The following UBN2 variants were observed in gnomAD, a reference collection of about 807,000 sequenced individuals.
UBN2 encodes ubinuclein 2, also known as ubinuclein-2.
UBN2 carries 35 observed loss-of-function variants against 120.2 expected under a neutral mutation model. That is an observed-to-expected ratio of 0.29 (90% CI 0.22 to 0.39). The LOEUF (loss-of-function observed/expected upper bound fraction) is 0.39. UBN2 is among the 10% of genes least tolerant of loss of function. The pLI is 1.00. For synonymous variants in UBN2, 661 were observed against 648.7 expected, an observed-to-expected ratio of 1.02 and a Z score of -0.29; for missense variants, 1,693 against 1,663.2, an observed-to-expected ratio of 1.02 and a Z score of -0.31.
chr7:139,312,827 C>G (rs940136012), downstream of UBN2, among the ~76,000 whole-genome samples: 1 of 152,204 alleles, frequency 6.6e-6, no homozygotes, highest in African/African-American at 2.4e-5. Flanking sequence ...CCTTTGTATA[C>G]TGTGTAATGT....
intron 2 of UBN2, among the ~76,000 whole-genome samples, chr7:139,242,086 G>A (rs1356256670): frequency 6.6e-6 from 1 of 152,086 alleles, no homozygotes; most frequent in African/African-American, 2.4e-5. Flanking sequence ...GCAGTATCTT[G>A]GAATAACTAA....
chr7:139,251,400 C>A (rs1009690757), intron 2 of UBN2, among the ~76,000 whole-genome samples: 2 of 152,168 alleles, frequency 1.3e-5, no homozygotes, highest in African/African-American at 4.8e-5. Context: ...TACTAGTTTT[C>A]TCCTAGTGTC....
chr7:139,259,503 C>T lies in UBN2; in HGVS notation c.905+133C>T, dbSNP rs1796867160. 2.5e-6 allele frequency: 3 copies of T among 1,217,448 alleles called. No homozygotes were observed. In the South Asian group the frequency reaches 5.3e-5, roughly 21 times the overall value. The allele number at this position is 1,217,448 out of a possible 1,614,324, so 75.4% of individuals were successfully genotyped here. ...TAGTACGTTATTGACATATTAGTGA[C>T]TTATGTTTAATAGTATTGTAGTATT... On this transcript the variant is annotated intron_variant, in intron 5 of 17. Coordinates refer to ENST00000473989, the MANE Select transcript of UBN2 (RefSeq NM_173569.4).
the UBN2 span, among the ~76,000 whole-genome samples, chr7:139,326,985 C>T: frequency 1.3e-5 from 2 of 152,058 alleles, no homozygotes; most frequent in African/African-American, 2.4e-5. Context: ...TGAGAGGCAC[C>T]CCGCATCCTT....
intron 15 of UBN2, among the ~76,000 whole-genome samples, chr7:139,289,079 A>G (rs1488823295): frequency 2.6e-5 from 4 of 152,086 alleles, no homozygotes; most frequent in South Asian, 4.1e-4. Context: ...CCTGGGAATA[A>G]AATGTAGAGG....
At chr7:139,272,503 T>G in intron 9 of UBN2, 63 bp downstream of exon 9, 3 of 694,794 alleles carry the variant, frequency 4.3e-6, no homozygotes, top group Non-Finnish European at 7.1e-6. Context: ...GTTATGTATG[T>G]ATGTATGTAT....
chr7:139,323,555 GATT>G, the UBN2 span, among the ~76,000 whole-genome samples: 29,235 of 141,398 alleles, frequency 0.21, 3,028 homozygotes, highest in South Asian at 0.27. Flanking sequence ...TTCTGGACCT[GATT>G]ATTATTATTA....
At position 139,258,645 on chromosome 7, in the gene UBN2, C is replaced by T; in HGVS notation, c.801+20C>T. On this transcript the variant is annotated intron_variant, in intron 4 of 17. Transcript: ENST00000473989. ...CCCAAGGTGAGTTTATCAAACATTG[C>T]AACAGTACTGAGAATGTTCAATTAA... 1.3e-6 allele frequency: 2 copies of T among 1,565,240 alleles called. No homozygotes were observed. The highest frequency in any genetic ancestry group is 1.2e-5 in the South Asian group (1 of 82,920).
the UBN2 span, among the ~76,000 whole-genome samples, chr7:139,319,086 G>A: frequency 2.6e-5 from 4 of 151,802 alleles, no homozygotes; most frequent in East Asian, 1.9e-4. Flanking sequence ...GTTTTGTTTT[G>A]TTTTTTGTTT....
Position 139,276,161 on chromosome 7 carries a change from G to T in UBN2, c.2024+14G>T. 6.2e-7 allele frequency: 1 copy of T among 1,611,452 alleles called. No homozygotes were observed. The highest frequency in any genetic ancestry group is 1.1e-5 in the South Asian group (1 of 90,884). ...TACTTCTGCTCCGTGAGTAAATGCA[G>T]ACTCCAGATTGCTTCATTTATTCAC... On this transcript the variant is annotated intron_variant, in intron 12 of 17. Coordinates refer to ENST00000473989, the MANE Select transcript of UBN2 (RefSeq NM_173569.4).
chr7:139,325,480 G>C, the UBN2 span, among the ~76,000 whole-genome samples: 1 of 152,078 alleles, frequency 6.6e-6, no homozygotes, highest in African/African-American at 2.4e-5. Context: ...TGTTGGCCAG[G>C]CTAGTCTCGA....
the UBN2 span, among the ~76,000 whole-genome samples, chr7:139,319,316 C>T: frequency 3.9e-5 from 6 of 152,260 alleles, no homozygotes; most frequent in South Asian, 2.1e-4. Flanking sequence ...CTCCTGACCT[C>T]CAGCAATCTA....
chr7:139,246,866 C>G (rs1796483654), intron 2 of UBN2, among the ~76,000 whole-genome samples: 1 of 152,094 alleles, frequency 6.6e-6, no homozygotes, highest in Non-Finnish European at 1.5e-5. Context: ...TTTTGAAATT[C>G]CTCCATGTAT....
rs1223922599 is a variant in UBN2, at chr7:139,256,238, T to C, written c.664-2250T>C. ...CCTGTATACCTGGAGATGAACATGT[T>C]TCACTCCCACGTGAAGCTGCTTGGA... On this transcript the variant is annotated intron_variant, in intron 3 of 17. Transcript: ENST00000473989. 2.0e-5 allele frequency among the ~76,000 whole-genome samples: 3 copies of C among 152,182 alleles called. No individual in the cohort carries two copies. In the East Asian group the frequency reaches 5.8e-4, roughly 29 times the overall value.
chr7:139,232,127 C>T (rs1796039178), intron 1 of UBN2, among the ~76,000 whole-genome samples, 175 bp downstream of exon 1: 3 of 152,132 alleles, frequency 2.0e-5, no homozygotes, highest in Non-Finnish European at 4.4e-5. Flanking sequence ...GCTTTCTCCA[C>T]TCCCCAGGGT....
chr7:139,236,981 C>G (rs192248947), intron 1 of UBN2, 24 bp from the exon 2 acceptor site: 1 of 1,516,584 alleles, frequency 6.6e-7, no homozygotes, highest in Non-Finnish European at 9.1e-7. Flanking sequence ...ACTTCTCTTT[C>G]TTTTCCCATT....
the UBN2 span, among the ~76,000 whole-genome samples, chr7:139,324,967 C>G: frequency 1.3e-5 from 2 of 150,146 alleles, no homozygotes; most frequent in Non-Finnish European, 3.0e-5. Flanking sequence ...AAGACTCCAT[C>G]TCAAAAAAAA....
chr7:139,293,678 C>A, intron 16 of UBN2: 1 of 634,634 alleles, frequency 1.6e-6, no homozygotes, highest in East Asian at 2.8e-5. Context: ...ACATTTCCAT[C>A]TTAATGAAAT....
rs776376989 is a variant in UBN2 at position 139,261,623 on chromosome 7, G to C, written c.1277G>C (p.Gly426Ala). 3.7e-6 allele frequency: 6 copies of C among 1,614,168 alleles called. No homozygotes were observed. Among genetic ancestry groups the C allele is most frequent in the Middle Eastern group, 1.6e-4 (1 of 6,062 alleles). ...GGTAGCCCCCTATCTGAGTCGGGGG[G>C]TGAAAATGGAACCACCACCCAGCCA... The part of the protein sequence containing the change: ...SDGSPLSESG[G>A]ENGTTTQPTY... The change falls in exon 6 of 18, where the codon GGT (glycine) becomes GCT (alanine). Residue 426 changes from glycine to alanine, a missense_variant. Gly to Ala is a moderately conservative substitution (Grantham distance 60). This residue lies in a region of UBN2 where 663 missense variants were observed against 591.2 expected (regional missense o/e 1.12). Coordinates refer to ENST00000473989, the MANE Select transcript of UBN2 (RefSeq NM_173569.4).
Sources: allele counts gnomAD v4.1 joint callset (sites outside exome capture counted in the v4.1 genomes callset), GRCh38; gene constraint gnomAD v4.1.1; regional missense constraint gnomAD v4.1.1; transcripts MANE v1.5; gene names NCBI Gene and HGNC (gene_info 2026-07-23, HGNC 2026-07-21).